MYH9: variants seen among roughly 807,000 people sequenced by gnomAD.
The protein encoded by MYH9 is myosin-9.
MYH9 carries 29 observed loss-of-function variants against 241.9 expected under a neutral mutation model. The ratio of observed to expected loss-of-function variants is 0.12; its 90% confidence interval spans 0.09 to 0.16. The LOEUF is 0.16. Among genes scored for constraint, MYH9 ranks in the 10% least tolerant of loss-of-function variants. The pLI is 1.00. For missense variants in MYH9, 1,803 were observed against 2,595.5 expected, an observed-to-expected ratio of 0.69 and a Z score of 6.63; for synonymous variants, 1,047 against 1,062.6, an observed-to-expected ratio of 0.99 and a Z score of 0.29.
At chr22:36,301,354 T>C (rs1269086763) in intron 21 of MYH9, among the ~76,000 whole-genome samples, 180 bp downstream of exon 21, 1 of 152,150 alleles carries the variant, frequency 6.6e-6, no homozygotes, top group African/African-American at 2.4e-5. Flanking sequence ...CCTCCCTACA[T>C]CACTTAACAC....
intron 20 of MYH9, chr22:36,302,287 A>C (rs2016890914): frequency 5.3e-6 from 2 of 378,738 alleles, no homozygotes; most frequent in Non-Finnish European, 1.0e-5. Context: ...TTTAAAAATA[A>C]AGAGATTTTT....
At chr22:36,334,310 T>C (rs763292300) in intron 3 of MYH9, among the ~76,000 whole-genome samples, 3 of 152,194 alleles carry the variant, frequency 2.0e-5, no homozygotes, top group Admixed American at 6.5e-5. Flanking sequence ...GCTGCAGCCA[T>C]GGTGTTGGGT....
intron 2 of MYH9, among the ~76,000 whole-genome samples, chr22:36,348,481 C>T (rs892355689): frequency 1.5e-4 from 22 of 146,750 alleles, no homozygotes; most frequent in South Asian, 1.3e-3. Context: ...TGCACTCCAG[C>T]GGGGGCAACA....
Position 36,349,048 on chromosome 22 carries a change from C to A in MYH9, c.189G>T (p.Lys63Asn). The change falls in exon 2 of 41, where the codon AAG becomes AAT. Residue 63 changes from lysine to asparagine, a missense_variant. By Grantham distance (94) the Lys-to-Asn change is moderately conservative. Transcript: ENST00000216181. ...EAIVELVENGKKVKVNKDDIQ... is the reference protein window; with the variant it reads ...EAIVELVENGNKVKVNKDDIQ... Reference sequence around the variant, plus strand: ...TGTCATCCTTGTTCACCTTCACCTTCTTCCCATTCTCCACCAGCTCCACGA... The same window carrying A: ...TGTCATCCTTGTTCACCTTCACCTTATTCCCATTCTCCACCAGCTCCACGA... 1 of 1,614,264 alleles carries A rather than the reference C, an allele frequency of 6.2e-7. No homozygotes were observed. Among genetic ancestry groups the A allele is most frequent in the Non-Finnish European group, 8.5e-7 (1 of 1,180,048 alleles).
intron 1 of MYH9, among the ~76,000 whole-genome samples, chr22:36,357,662 G>A (rs375445881): frequency 2.0e-5 from 3 of 152,278 alleles, no homozygotes; most frequent in African/African-American, 4.8e-5. Context: ...CCTCTCAGTC[G>A]TCATCCTCCC....
At chr22:36,379,254 T>G (rs2146425347) in intron 1 of MYH9, among the ~76,000 whole-genome samples, 1 of 152,340 alleles carries the variant, frequency 6.6e-6, no homozygotes, top group East Asian at 1.9e-4. Flanking sequence ...ACGCCTGTAA[T>G]CCCAGCACTT....
In MYH9 at chr22:36,349,046, T is replaced by C. The variant is rs1158070467; in HGVS notation, c.191A>G (p.Lys64Arg). The C allele has an allele frequency of 3.7e-6, 6 of 1,614,116 alleles. No individual in the cohort carries two copies. The highest frequency in any genetic ancestry group is 4.2e-6 in the Non-Finnish European group (5 of 1,180,044). ...GATGTCATCCTTGTTCACCTTCACC[T>C]TCTTCCCATTCTCCACCAGCTCCAC... ...AIVELVENGK[K>R]VKVNKDDIQK... The change falls in exon 2 of 41, where the codon AAG (lysine) becomes AGG (arginine). Residue 64 changes from lysine to arginine, a missense_variant. Lys to Arg is a conservative substitution (Grantham distance 26). Coordinates refer to ENST00000216181, the MANE Select transcript of MYH9 (RefSeq NM_002473.6).
rs1480839786 is a variant in MYH9, at chr22:36,282,188, C to T, written c.*480G>A. 9.0e-6 allele frequency: 3 copies of T among 334,966 alleles called. No individual in the cohort carries two copies. The allele number at this position is 334,966 out of a possible 1,614,324, so 20.7% of individuals were successfully genotyped here. On this transcript the variant is annotated 3_prime_UTR_variant, in exon 41 of 41. Transcript: ENST00000216181. The stretch of plus-strand genomic sequence containing the variant: ...CCCAAGGGGCAGAGGTGTGTGAGGT[C>T]ACCACGTGTGATTGCAAACAGCAAA...
intron 1 of MYH9, among the ~76,000 whole-genome samples, chr22:36,382,108 G>A (rs1283189237): frequency 6.6e-6 from 1 of 152,022 alleles, no homozygotes; most frequent in African/African-American, 2.4e-5. Flanking sequence ...GATTACAGAT[G>A]TGAGCCACCA....
Position 36,292,088 on chromosome 22 carries a change from G to C in MYH9, c.4242C>G (p.Thr1414=), listed in dbSNP as rs778157307. Residue 1414 remains threonine (T), a synonymous_variant, in exon 31 of 41, where the codon ACC becomes ACG. Coordinates refer to ENST00000216181, the MANE Select transcript of MYH9 (RefSeq NM_002473.6). The stretch of plus-strand genomic sequence containing the variant: ...CCAGCTCCTGCTGCAGCCGCGTCTT[G>C]GTCTTCTCCAGCTTGTCGTAGGCGG... ...KVAAYDKLEK[T]KTRLQQELDD... is the part of the protein sequence containing the mutation. 3.7e-6 allele frequency: 6 copies of C among 1,614,176 alleles called. No individual in the cohort carries two copies. The Admixed American group carries it at 1.0e-4, about 27-fold the overall frequency.
At chr22:36,351,906 G>T (rs1298767136) in intron 1 of MYH9, among the ~76,000 whole-genome samples, 1 of 152,148 alleles carries the variant, frequency 6.6e-6, no homozygotes, top group Admixed American at 6.5e-5. Flanking sequence ...GCAGGGGATG[G>T]TTACTAAGTA....
rs1165568776 is a variant in MYH9 at position 36,320,520 on chromosome 22, G to A, written c.869-157C>T. Among the ~76,000 whole-genome samples, 1 of 152,212 alleles carries A rather than the reference G, an allele frequency of 6.6e-6. No individual in the cohort carries two copies. The highest frequency in any genetic ancestry group is 1.9e-4 in the East Asian group (1 of 5,200). Reference sequence around the variant, plus strand: ...AGCCAGTGACGTTCAGCTTTCCTCAGTGTCTGAGACTCTGACACTCCCGTC... The same window carrying A: ...AGCCAGTGACGTTCAGCTTTCCTCAATGTCTGAGACTCTGACACTCCCGTC... On this transcript the variant is annotated intron_variant, in intron 8 of 40. Coordinates refer to ENST00000216181, the MANE Select transcript of MYH9 (RefSeq NM_002473.6). The surrounding 1 kb of genome is among the most constrained non-coding windows in gnomAD (Gnocchi z 4.8).
At position 36,295,487 on chromosome 22, in the gene MYH9, C is replaced by G. The variant is rs200835614; in HGVS notation, c.3485+18G>C. On this transcript the variant is annotated intron_variant, in intron 26 of 40. Coordinates refer to ENST00000216181, the MANE Select transcript of MYH9 (RefSeq NM_002473.6). The surrounding 1 kb of genome is among the most constrained non-coding windows in gnomAD (Gnocchi z 4.1). ...TGGCTGCCCTCCCCATCCCGAGGGACTTGGTCCCAGGGCACACCTGAGCTC... is the reference window on the plus strand; with the variant it reads ...TGGCTGCCCTCCCCATCCCGAGGGAGTTGGTCCCAGGGCACACCTGAGCTC... 2.7e-4 allele frequency: 428 copies of G among 1,610,582 alleles called. 2 individuals are homozygous for G. In the East Asian group the frequency reaches 7.3e-3, roughly 28 times the overall value.
rs113995137 is a variant in MYH9 at position 36,363,375 on chromosome 22, G to C, written c.-19-14120C>G. On this transcript the variant is annotated intron_variant, in intron 1 of 40. Transcript: ENST00000216181. Reference sequence around the variant, plus strand: ...AATGCTTGTTGAAAATAACTGAATTGTTGAAAATGCTTGCAAGTATTTTCT... The same window carrying C: ...AATGCTTGTTGAAAATAACTGAATTCTTGAAAATGCTTGCAAGTATTTTCT... Among the ~76,000 whole-genome samples, 686 of 152,230 alleles carry C rather than the reference G, an allele frequency of 4.5e-3. 8 individuals are homozygous for C. Among genetic ancestry groups the C allele is most frequent in the African/African-American group, 0.016 (655 of 41,516 alleles).
chr22:36,283,318 C>T (rs756214859), intron 40 of MYH9, among the ~76,000 whole-genome samples: 66 of 152,080 alleles, frequency 4.3e-4, no homozygotes, highest in Non-Finnish European at 6.8e-4. Flanking sequence ...GGGTGGAGCA[C>T]CTGAGGTCAG....
Position 36,362,871 on chromosome 22 carries a change from T to C in MYH9, c.-19-13616A>G, listed in dbSNP as rs573771824. On this transcript the variant is annotated intron_variant, in intron 1 of 40. Transcript: ENST00000216181. ...CAGCCCTGCCATCACCCCAGAATGA[T>C]AGCCCGCCCAGCATGGATAGAAGTG... 5.9e-5 allele frequency among the ~76,000 whole-genome samples: 9 copies of C among 152,292 alleles called. No individual in the cohort carries two copies. In the East Asian group the frequency reaches 7.7e-4, roughly 13 times the overall value.
intron 1 of MYH9, among the ~76,000 whole-genome samples, chr22:36,379,860 G>A (rs939021873): frequency 1.3e-5 from 2 of 152,216 alleles, no homozygotes; most frequent in African/African-American, 4.8e-5. Context: ...GGGGACACCT[G>A]CCCGGGTGCT....
rs1324669608 is a variant in MYH9 at position 36,300,078 on chromosome 22, C to T, written c.2976+49G>A. ...CCCTGCAAGGGTGACCACACTCTCC[C>T]ATCCACGGCGCCCCTGGAGCAGCGG... On this transcript the variant is annotated intron_variant, in intron 23 of 40. Coordinates refer to ENST00000216181, the MANE Select transcript of MYH9 (RefSeq NM_002473.6). The surrounding 1 kb of genome is among the most constrained non-coding windows in gnomAD (Gnocchi z 5.0). The T allele has an allele frequency of 1.2e-6, 2 of 1,603,466 alleles. No individual in the cohort carries two copies. The highest frequency in any genetic ancestry group is 2.2e-5 in the South Asian group (2 of 91,074).
Position 36,294,943 on chromosome 22 carries a change from G to C in MYH9, c.3619C>G (p.Gln1207Glu), listed in dbSNP as rs754599035. Residue 1207 changes from glutamine (Q) to glutamate (E), a missense_variant, in exon 27 of 41, where the codon CAG becomes GAG. By Grantham distance (29) the Gln-to-Glu change is conservative (BLOSUM62 2). This residue lies in a region of MYH9 where 876 missense variants were observed against 1,077.8 expected (regional missense o/e 0.81). Transcript: ENST00000216181. ...GGGAGGCTCCGCACCCGCTTCGTCT[G>C]CTCCAGCTGCTCCGCCAGCTCCTCC... ...AVEELAEQLEQTKRVKANLEK... is the reference protein window; with the variant it reads ...AVEELAEQLEETKRVKANLEK... The C allele has an allele frequency of 1.2e-6, 2 of 1,613,530 alleles. No individual in the cohort carries two copies. Among genetic ancestry groups the C allele is most frequent in the Non-Finnish European group, 1.7e-6 (2 of 1,180,026 alleles).
Sources: allele counts gnomAD v4.1 joint callset (sites outside exome capture counted in the v4.1 genomes callset), GRCh38; gene constraint gnomAD v4.1.1; regional missense constraint gnomAD v4.1.1; non-coding constraint Gnocchi (gnomAD v3.1); transcripts MANE v1.5; gene names NCBI Gene and HGNC (gene_info 2026-07-23, HGNC 2026-07-21).